The following GSK3B variants were observed in gnomAD, a reference collection of about 807,000 sequenced individuals.
GSK3B encodes glycogen synthase kinase 3 beta, also known as glycogen synthase kinase-3 beta.
A neutral mutation model predicts 56.4 loss-of-function variants in GSK3B; 15 were observed. The observed-to-expected ratio is 0.27, with a 90% CI of 0.18 to 0.41. GSK3B has a LOEUF of 0.41. Among genes scored for constraint, GSK3B ranks in the 10% least tolerant of loss-of-function variants. The probability of loss-of-function intolerance (pLI) is 1.00; values close to 1 mark genes in which losing one functional copy is unlikely to be tolerated. For missense variants in GSK3B, 300 were observed against 513.4 expected, an observed-to-expected ratio of 0.58 and a Z score of 4.02; for synonymous variants, 181 against 188.9, an observed-to-expected ratio of 0.96 and a Z score of 0.34.
At chr3:119,871,968 T>A (rs1268230157) in intron 8 of GSK3B, among the ~76,000 whole-genome samples, 1 of 152,154 alleles carries the variant, frequency 6.6e-6, no homozygotes, top group Non-Finnish European at 1.5e-5. Context: ...AAAACAGACA[T>A]CTGTGTTACC....
At chr3:119,986,799 G>T (rs891899697) in intron 2 of GSK3B, among the ~76,000 whole-genome samples, 13 of 152,132 alleles carry the variant, frequency 8.5e-5, no homozygotes, top group Admixed American at 8.5e-4. Flanking sequence ...TCTAGAACTA[G>T]AATTACCATT....
intron 1 of GSK3B, among the ~76,000 whole-genome samples, chr3:120,025,749 T>C (rs1475066294): frequency 1.3e-5 from 2 of 152,058 alleles, no homozygotes; most frequent in Non-Finnish European, 2.9e-5. Flanking sequence ...ACCTAAAAGT[T>C]AGTCAACCTA....
intron 7 of GSK3B, among the ~76,000 whole-genome samples, chr3:119,886,567 C>A (rs1322832674): frequency 6.6e-6 from 1 of 152,002 alleles, no homozygotes; most frequent in Non-Finnish European, 1.5e-5. Flanking sequence ...AAAGATACAA[C>A]CATTTGCATG....
chr3:120,063,315 A>C (rs1028563778), intron 1 of GSK3B, among the ~76,000 whole-genome samples: 5 of 152,254 alleles, frequency 3.3e-5, no homozygotes, highest in Non-Finnish European at 7.3e-5. Flanking sequence ...TTTATGATAA[A>C]AATGAAAACA....
Position 119,822,264 on chromosome 3 carries a change from TATAATAA to T in GSK3B, c.*4517_*4523del, listed in dbSNP as rs2055421538. On this transcript the variant is annotated 3_prime_UTR_variant, in exon 11 of 11. Transcript: ENST00000264235. The stretch of plus-strand genomic sequence containing the variant: ...TCCTTTATATATATATATATATATA[TATAATAA>T]ATTTTGTTTTTTAGGTTTGTTTTTA... 5.8e-6 allele frequency: 1 copy of T among 171,876 alleles called. No homozygotes were observed. The highest frequency in any genetic ancestry group is 2.4e-5 in the African/African-American group (1 of 41,714). 10.6% of individuals were successfully genotyped at this position (171,876 alleles called of 1,614,324 possible).
chr3:119,953,087 G>A (rs1280502968), intron 2 of GSK3B, among the ~76,000 whole-genome samples: 1 of 152,036 alleles, frequency 6.6e-6, no homozygotes, highest in Admixed American at 6.6e-5. Context: ...CAGTTATAAT[G>A]GAGCACAAGT....
At chr3:119,898,617 G>C (rs2056594432) in intron 7 of GSK3B, among the ~76,000 whole-genome samples, 1 of 152,040 alleles carries the variant, frequency 6.6e-6, no homozygotes, top group Non-Finnish European at 1.5e-5. Context: ...TCCATGAATA[G>C]AGGCTATAAA....
intron 9 of GSK3B, among the ~76,000 whole-genome samples, chr3:119,861,442 T>C (rs1038875000): frequency 1.4e-5 from 2 of 145,606 alleles, no homozygotes; most frequent in African/African-American, 5.1e-5. Context: ...ATCTGGGAGG[T>C]GGAGGTTGCA....
intron 1 of GSK3B, among the ~76,000 whole-genome samples, chr3:120,066,096 A>C (rs2058276024): frequency 6.6e-6 from 1 of 152,214 alleles, no homozygotes; most frequent in African/African-American, 2.4e-5. Flanking sequence ...CAAGTAGTCA[A>C]TACAACGCTA....
chr3:119,922,323 A>G (rs1009052208), intron 4 of GSK3B, among the ~76,000 whole-genome samples: 1 of 148,548 alleles, frequency 6.7e-6, no homozygotes, highest in African/African-American at 2.5e-5. Flanking sequence ...TCTATACATA[A>G]AGTATATATA....
At chr3:119,901,945 T>G (rs1480950849) in intron 7 of GSK3B, among the ~76,000 whole-genome samples, 1 of 152,130 alleles carries the variant, frequency 6.6e-6, no homozygotes, top group African/African-American at 2.4e-5. Context: ...CAGGGTTAGT[T>G]TCCCCCAGAT....
At chr3:120,027,591 C>T (rs927055100) in intron 1 of GSK3B, among the ~76,000 whole-genome samples, 3 of 152,232 alleles carry the variant, frequency 2.0e-5, no homozygotes, top group African/African-American at 7.2e-5. Flanking sequence ...AACTATGATA[C>T]ACTCACAATG....
chr3:119,918,378 G>A (rs1015457280), intron 4 of GSK3B, among the ~76,000 whole-genome samples: 1 of 151,620 alleles, frequency 6.6e-6, no homozygotes, highest in Non-Finnish European at 1.5e-5. Flanking sequence ...GCTGGGGCAG[G>A]AGAATTGCTT....
At chr3:120,029,864 A>C (rs866338490) in intron 1 of GSK3B, 2 of 550,904 alleles carry the variant, frequency 3.6e-6, no homozygotes, top group Non-Finnish European at 7.4e-6. Context: ...GGTGGCTCTA[A>C]GTAAAACTGG....
intron 7 of GSK3B, among the ~76,000 whole-genome samples, chr3:119,888,524 A>C (rs997970015): frequency 6.6e-6 from 1 of 152,058 alleles, no homozygotes; most frequent in South Asian, 2.1e-4. Context: ...TAAGCTGAGG[A>C]TGTACGTCAC....
At chr3:120,010,131 A>G (rs1033508257) in intron 1 of GSK3B, among the ~76,000 whole-genome samples, 1 of 152,210 alleles carries the variant, frequency 6.6e-6, no homozygotes, top group Non-Finnish European at 1.5e-5. Flanking sequence ...GCCAATATAA[A>G]AAAAGCAGTT....
chr3:119,917,608 G>A (rs1260553423), intron 4 of GSK3B, among the ~76,000 whole-genome samples: 1 of 150,604 alleles, frequency 6.6e-6, no homozygotes, highest in African/African-American at 2.4e-5. Context: ...AGATTTTACT[G>A]TGTCAGGGTA....
chr3:119,930,797 C>G (rs1270792848), intron 3 of GSK3B, among the ~76,000 whole-genome samples: 1 of 152,168 alleles, frequency 6.6e-6, no homozygotes, highest in Non-Finnish European at 1.5e-5. Flanking sequence ...GTATTGTGTT[C>G]AAATCAATGA....
At chr3:120,075,285 G>A (rs1487687505) in intron 1 of GSK3B, among the ~76,000 whole-genome samples, 2 of 152,116 alleles carry the variant, frequency 1.3e-5, no homozygotes, top group Non-Finnish European at 2.9e-5. Context: ...AATCAATGGC[G>A]AGAAACTGAG....
Sources: gnomAD v4.1 joint callset for allele counts (sites outside exome capture counted in the v4.1 genomes callset) on GRCh38, gnomAD v4.1.1 for gene constraint, MANE v1.5 for transcripts, NCBI Gene and HGNC (gene_info 2026-07-23, HGNC 2026-07-21) for gene names.